The following CYP4Z1 variants were observed in gnomAD, a reference collection of about 807,000 sequenced individuals.
The protein encoded by CYP4Z1 is cytochrome P450 family 4 subfamily Z member 1.
A neutral mutation model predicts 54.2 loss-of-function variants in CYP4Z1; 41 were observed. That is an observed-to-expected ratio of 0.76 (90% CI 0.59 to 0.98). The LOEUF is 0.98. CYP4Z1 is among the 50% of genes least tolerant of loss of function. The pLI, the probability that CYP4Z1 is intolerant of heterozygous loss-of-function variation, is 0.00. For synonymous variants in CYP4Z1, 163 were observed against 206.2 expected (o/e 0.79, Z 1.79); for missense variants, 513 against 599.0 (o/e 0.86, Z 1.50).
intron 6 of CYP4Z1, among the ~76,000 whole-genome samples, chr1:47,086,498 A>C (rs1183604704): frequency 6.6e-6 from 1 of 152,176 alleles, no homozygotes; most frequent in East Asian, 1.9e-4. Context: ...TCTTCTTTTG[A>C]GAAGTGTCTG....
At chr1:47,062,554 G>C (rs1223929209), upstream of CYP4Z1, among the ~76,000 whole-genome samples, 1 of 152,116 alleles carries the variant, frequency 6.6e-6, no homozygotes, top group Non-Finnish European at 1.5e-5. Context: ...AGCAGGGTGA[G>C]CCCTCTGACT....
intron 7 of CYP4Z1, chr1:47,096,560 G>T (rs1644678348): frequency 6.6e-6 from 1 of 151,548 alleles, no homozygotes; most frequent in Non-Finnish European, 1.5e-5. Flanking sequence ...AGGTAAACAT[G>T]TGCCATAGTG....
chr1:47,057,307 T>G, the CYP4Z1 span, among the ~76,000 whole-genome samples: 1 of 122,220 alleles, frequency 8.2e-6, no homozygotes, highest in African/African-American at 3.1e-5. Context: ...TCTGATGGGC[T>G]TCCCTTTGTT....
intron 6 of CYP4Z1, among the ~76,000 whole-genome samples, chr1:47,089,409 T>G (rs1212062076): frequency 6.6e-6 from 1 of 151,940 alleles, no homozygotes; most frequent in Non-Finnish European, 1.5e-5. Context: ...AATTAGAATT[T>G]TACAACCAGA....
At chr1:47,094,923 G>A (rs1299971120) in intron 7 of CYP4Z1, among the ~76,000 whole-genome samples, 5 of 152,070 alleles carry the variant, frequency 3.3e-5, no homozygotes, top group Non-Finnish European at 5.9e-5. Context: ...TGGGAGAGTC[G>A]TTTGAACCCA....
intron 9 of CYP4Z1, among the ~76,000 whole-genome samples, chr1:47,112,813 T>C (rs767185685): frequency 1.2e-4 from 19 of 152,144 alleles, no homozygotes; most frequent in Non-Finnish European, 2.8e-4. Context: ...GATTGTTCAA[T>C]ATTAGGAATC....
chr1:47,106,608 G>T (rs1241694007), intron 9 of CYP4Z1, among the ~76,000 whole-genome samples: 1 of 152,286 alleles, frequency 6.6e-6, no homozygotes. Context: ...ACACAAAGCA[G>T]CAGGCAGCCT....
At chr1:47,057,327 G>GAAAAAAAAAAAAAAAAA in the CYP4Z1 span, among the ~76,000 whole-genome samples, 86 of 17,996 alleles carry the variant, frequency 4.8e-3, 18 homozygotes, top group East Asian at 0.016. Flanking sequence ...TACTTCTTAA[G>GAAAAAAAAAAAAAAAAA]AAAAAAAAAT....
At chr1:47,082,541 C>T in intron 4 of CYP4Z1, 80 bp downstream of exon 4, 8 of 1,536,204 alleles carry the variant, frequency 5.2e-6, no homozygotes, top group South Asian at 2.6e-5. Context: ...ACTCTGAGTT[C>T]CCTCAGAACC....
At chr1:47,058,782 A>G in the CYP4Z1 span, among the ~76,000 whole-genome samples, 972 of 152,184 alleles carry the variant, frequency 6.4e-3, 9 homozygotes, top group African/African-American at 0.021. Flanking sequence ...ACTCAGACCT[A>G]TGTAGAGTCC....
At chr1:47,073,892 TG>T (rs1557621302) in intron 2 of CYP4Z1, among the ~76,000 whole-genome samples, 1 of 152,248 alleles carries the variant, frequency 6.6e-6, no homozygotes, top group Non-Finnish European at 1.5e-5. Flanking sequence ...TATTATTTTG[TG>T]GTTTGTCTTT....
chr1:47,087,396 G>A (rs2148531586), intron 6 of CYP4Z1, among the ~76,000 whole-genome samples: 2 of 152,230 alleles, frequency 1.3e-5, no homozygotes, highest in South Asian at 2.1e-4. Context: ...AGTTCTCCTT[G>A]AAGAGGTCCT....
chr1:47,059,565 A>G, the CYP4Z1 span, among the ~76,000 whole-genome samples: 1 of 152,176 alleles, frequency 6.6e-6, no homozygotes, highest in Non-Finnish European at 1.5e-5. Flanking sequence ...GACTCTGCCC[A>G]TGTAATCTCC....
Position 47,067,417 on chromosome 1 carries a change from G to A in CYP4Z1, c.-74G>A. 1.5e-6 allele frequency: 2 copies of A among 1,333,390 alleles called. No homozygotes were observed. Among genetic ancestry groups the A allele is most frequent in the Non-Finnish European group, 9.9e-7 (1 of 1,008,986 alleles). 82.6% of individuals were successfully genotyped at this position (1,333,390 alleles called of 1,614,324 possible). Reference sequence around the variant, plus strand: ...GTGTTGCCCAGGGGGCATCTCCTTTGTGTTTATGAGAGACCTGCATTCTCC... The same window carrying A: ...GTGTTGCCCAGGGGGCATCTCCTTTATGTTTATGAGAGACCTGCATTCTCC... On this transcript the variant is annotated 5_prime_UTR_variant, in exon 1 of 12. It adds an upstream start codon to the 5' untranslated region. Transcript: ENST00000334194.
At chr1:47,103,603 TTTTTTTTTTAGACAGAG>T in intron 8 of CYP4Z1, among the ~76,000 whole-genome samples, 1 of 148,740 alleles carries the variant, frequency 6.7e-6, no homozygotes, top group African/African-American at 2.5e-5. Flanking sequence ...TTCTTTTTTT[TTTTTTTTTTAGACAGAG>T]TTTTGCTCTT....
At chr1:47,091,837 G>T (rs1644640446) in intron 6 of CYP4Z1, among the ~76,000 whole-genome samples, 1 of 149,842 alleles carries the variant, frequency 6.7e-6, no homozygotes, top group African/African-American at 2.4e-5. Flanking sequence ...CTAAGGTTGA[G>T]AAAAATATTG....
intron 9 of CYP4Z1, among the ~76,000 whole-genome samples, chr1:47,106,944 G>T (rs956362004): frequency 1.3e-5 from 2 of 152,228 alleles, no homozygotes; most frequent in African/African-American, 4.8e-5. Context: ...CCTATGTCGA[G>T]ATGTGTTTCT....
intron 6 of CYP4Z1, among the ~76,000 whole-genome samples, chr1:47,088,081 G>C (rs147352059): frequency 6.6e-6 from 1 of 151,982 alleles, no homozygotes; most frequent in Non-Finnish European, 1.5e-5. Context: ...TTGATGTGCT[G>C]CTGGATTCCG....
chr1:47,076,946 T>G (rs1450562473), intron 2 of CYP4Z1, among the ~76,000 whole-genome samples: 1 of 151,630 alleles, frequency 6.6e-6, no homozygotes, highest in Non-Finnish European at 1.5e-5. Flanking sequence ...TATGGAGAGG[T>G]ATTTTTGTAT....
Sources: gnomAD v4.1 joint callset for allele counts (sites outside exome capture counted in the v4.1 genomes callset) on GRCh38, gnomAD v4.1.1 for gene constraint, MANE v1.5 for transcripts, NCBI Gene and HGNC (gene_info 2026-07-23, HGNC 2026-07-21) for gene names.